The following FHOD3 variants were observed in gnomAD, a reference collection of about 807,000 sequenced individuals.
The protein encoded by FHOD3 is formin homology 2 domain containing 3.
In FHOD3, 90 loss-of-function variants were observed where a neutral mutation model predicts 173.0. That is an observed-to-expected ratio of 0.52 (90% CI 0.44 to 0.62). The LOEUF is 0.62. FHOD3 is among the 20% of genes least tolerant of loss of function. The pLI is 0.00. For synonymous variants in FHOD3, 828 were observed against 823.0 expected (o/e 1.01, Z -0.10); for missense variants, 1,945 against 2,034.7 (o/e 0.96, Z 0.85).
chr18:36,436,343 G>A (rs1175194128), intron 3 of FHOD3, among the ~76,000 whole-genome samples: 1 of 151,992 alleles, frequency 6.6e-6, no homozygotes, highest in East Asian at 1.9e-4. Flanking sequence ...AAAAATCTGG[G>A]ATATTTATTG....
chr18:36,316,854 TA>T (rs1048818187), intron 1 of FHOD3, among the ~76,000 whole-genome samples: 2 of 152,178 alleles, frequency 1.3e-5, no homozygotes, highest in Non-Finnish European at 2.9e-5. Context: ...GTATTTCTCC[TA>T]ATGCTATCCC....
At chr18:36,388,489 T>G (rs1429519982) in intron 3 of FHOD3, among the ~76,000 whole-genome samples, 1 of 152,196 alleles carries the variant, frequency 6.6e-6, no homozygotes, top group East Asian at 1.9e-4. Context: ...CAAGCAGTTT[T>G]GTGTAGCAGG....
In FHOD3 at chr18:36,740,352, A is replaced by G. The variant is rs527529675; in HGVS notation, c.3577-304A>G. ...TAATGCAGGAGAAGTGCTACAAAGC[A>G]TATCTTTTTTACATGTCTTACTCTA... On this transcript the variant is annotated intron_variant, in intron 20 of 28. Coordinates refer to ENST00000590592, the MANE Select transcript of FHOD3 (RefSeq NM_001281740.3). 1.1e-4 allele frequency among the ~76,000 whole-genome samples: 16 copies of G among 152,304 alleles called. No individual in the cohort carries two copies. The South Asian group carries it at 2.7e-3, about 26-fold the overall frequency.
At chr18:36,586,185 A>C (rs1298238992) in intron 6 of FHOD3, among the ~76,000 whole-genome samples, 1 of 152,204 alleles carries the variant, frequency 6.6e-6, no homozygotes, top group Non-Finnish European at 1.5e-5. Context: ...CCCAAGGCTT[A>C]AGTTTTTGCA....
At chr18:36,561,450 C>A (rs56969548) in intron 5 of FHOD3, among the ~76,000 whole-genome samples, 1 of 152,152 alleles carries the variant, frequency 6.6e-6, no homozygotes, top group East Asian at 1.9e-4. Flanking sequence ...TTAGAGCACA[C>A]GTCCAAGTCA....
intron 3 of FHOD3, 74 bp from the exon 4 acceptor site, chr18:36,501,858 T>G: frequency 9.3e-7 from 1 of 1,069,628 alleles, no homozygotes; most frequent in Non-Finnish European, 1.4e-6. Flanking sequence ...TTTGTTATCA[T>G]TCATATCCTG....
chr18:36,672,230 A>G (rs2037576878), intron 14 of FHOD3, among the ~76,000 whole-genome samples: 1 of 152,178 alleles, frequency 6.6e-6, no homozygotes, highest in Non-Finnish European at 1.5e-5. Context: ...AATAGAGAAA[A>G]TATTTTCAAA....
intron 3 of FHOD3, among the ~76,000 whole-genome samples, chr18:36,449,567 C>T (rs1000624539): frequency 2.4e-4 from 37 of 152,160 alleles, no homozygotes; most frequent in African/African-American, 8.9e-4. Context: ...CTCACTTCTT[C>T]CCCAGCTTAT....
At chr18:36,571,389 A>T (rs2058446566) in intron 5 of FHOD3, among the ~76,000 whole-genome samples, 1 of 152,230 alleles carries the variant, frequency 6.6e-6, no homozygotes, top group Non-Finnish European at 1.5e-5. Flanking sequence ...GCGAAGATGT[A>T]TAATAAATAG....
chr18:36,738,160 T>C (rs1406997715), intron 20 of FHOD3, among the ~76,000 whole-genome samples: 1 of 152,260 alleles, frequency 6.6e-6, no homozygotes, highest in Non-Finnish European at 1.5e-5. Context: ...TACATATCTA[T>C]AGTTTGTTCC....
intron 6 of FHOD3, among the ~76,000 whole-genome samples, chr18:36,582,735 T>C (rs1249880886): frequency 6.6e-6 from 1 of 152,246 alleles, no homozygotes; most frequent in Non-Finnish European, 1.5e-5. Flanking sequence ...GTACAAAGAA[T>C]AGTAATATGG....
At chr18:36,311,015 G>A (rs1000948163) in intron 1 of FHOD3, among the ~76,000 whole-genome samples, 3 of 152,152 alleles carry the variant, frequency 2.0e-5, no homozygotes, top group Non-Finnish European at 2.9e-5. Flanking sequence ...TTCATTTCAT[G>A]TAATAGAAAC....
At chr18:36,703,440 C>A (rs998485523) in intron 17 of FHOD3, among the ~76,000 whole-genome samples, 2 of 152,094 alleles carry the variant, frequency 1.3e-5, no homozygotes, top group Admixed American at 6.5e-5. Flanking sequence ...TAGCTCTGGG[C>A]AAGTTGCTTA....
intron 1 of FHOD3, among the ~76,000 whole-genome samples, chr18:36,351,188 C>G (rs936836561): frequency 6.6e-6 from 1 of 152,154 alleles, no homozygotes. Context: ...CTTCCTATAG[C>G]CCCGCTGTGA....
chr18:36,512,149 G>A (rs2055693138), intron 4 of FHOD3, among the ~76,000 whole-genome samples: 1 of 152,230 alleles, frequency 6.6e-6, no homozygotes, highest in Non-Finnish European at 1.5e-5. Flanking sequence ...GTTTCTTGAA[G>A]AATGAAAAAC....
intron 3 of FHOD3, among the ~76,000 whole-genome samples, chr18:36,479,238 A>G (rs139768881): frequency 4.3e-4 from 66 of 152,386 alleles, no homozygotes; most frequent in Middle Eastern, 6.8e-3. Context: ...ATGTGAAAAA[A>G]TTTAAAGAAG....
intron 1 of FHOD3, among the ~76,000 whole-genome samples, chr18:36,346,248 C>A (rs1333891694): frequency 1.3e-5 from 2 of 152,088 alleles, no homozygotes; most frequent in African/African-American, 4.8e-5. Flanking sequence ...CACCTGCAGT[C>A]CCAGCTACTT....
intron 14 of FHOD3, among the ~76,000 whole-genome samples, chr18:36,665,521 G>T (rs144555511): frequency 1.3e-5 from 2 of 152,000 alleles, no homozygotes; most frequent in Admixed American, 6.6e-5. Flanking sequence ...CTGGCAAAAG[G>T]TCTGGGAAAC....
At chr18:36,700,367 T>C (rs1374237569) in intron 17 of FHOD3, among the ~76,000 whole-genome samples, 1 of 152,174 alleles carries the variant, frequency 6.6e-6, no homozygotes, top group Non-Finnish European at 1.5e-5. Context: ...CTATCTCTCA[T>C]CCAGAAACCC....
Sources: allele counts gnomAD v4.1 joint callset (sites outside exome capture counted in the v4.1 genomes callset), GRCh38; gene constraint gnomAD v4.1.1; transcripts MANE v1.5; gene names NCBI Gene and HGNC (gene_info 2026-07-23, HGNC 2026-07-21).